The following DYNC2H1 variants were observed in gnomAD, a reference collection of about 807,000 sequenced individuals.
DYNC2H1 encodes dynein cytoplasmic 2 heavy chain 1.
A neutral mutation model predicts 570.0 loss-of-function variants in DYNC2H1; 410 were observed. The ratio of observed to expected loss-of-function variants is 0.72; its 90% CI spans 0.66 to 0.78. The LOEUF is 0.78. Ranked by LOEUF, DYNC2H1 falls within the 30% of genes least tolerant of loss-of-function variation. DYNC2H1 has a pLI of 0.00. For missense variants in DYNC2H1, 4,865 were observed against 5,046.4 expected (o/e 0.96, Z 1.09); for synonymous variants, 1,688 against 1,677.6 (o/e 1.01, Z -0.15).
chr11:103,445,414 C>T (rs988348611), intron 85 of DYNC2H1, among the ~76,000 whole-genome samples: 1 of 151,882 alleles, frequency 6.6e-6, no homozygotes, highest in African/African-American at 2.4e-5. Flanking sequence ...TCTCTTTTTA[C>T]TTATGTAGAG....
intron 13 of DYNC2H1, among the ~76,000 whole-genome samples, chr11:103,130,084 T>C (rs1297617621): frequency 6.6e-6 from 1 of 152,018 alleles, no homozygotes; most frequent in East Asian, 1.9e-4. Flanking sequence ...TCACAGAGGG[T>C]GTACTTATTT....
At chr11:103,310,504 A>G (rs1867526127) in intron 78 of DYNC2H1, among the ~76,000 whole-genome samples, 1 of 151,924 alleles carries the variant, frequency 6.6e-6, no homozygotes, top group South Asian at 2.1e-4. Context: ...GTGCCTTTTT[A>G]AAAACTCTAA....
chr11:103,137,170 G>A (rs1267565054), intron 17 of DYNC2H1, among the ~76,000 whole-genome samples: 2 of 148,106 alleles, frequency 1.4e-5, no homozygotes, highest in Non-Finnish European at 3.0e-5. Flanking sequence ...CTCCCATTTT[G>A]TAGGTTGCCT....
At chr11:103,119,352 T>C (rs1327335994) in intron 6 of DYNC2H1, among the ~76,000 whole-genome samples, 1 of 152,164 alleles carries the variant, frequency 6.6e-6, no homozygotes, top group East Asian at 1.9e-4. Context: ...TCTTTCCTTT[T>C]TTTTTGAGAT....
chr11:103,171,361 T>C (rs993687809), intron 34 of DYNC2H1, among the ~76,000 whole-genome samples: 2 of 152,078 alleles, frequency 1.3e-5, no homozygotes. Context: ...GTTCAAGCGA[T>C]TCTCCTGCCT....
chr11:103,343,356 C>T (rs7109979), intron 82 of DYNC2H1, among the ~76,000 whole-genome samples: 18,864 of 152,114 alleles, frequency 0.12, 2,263 homozygotes, highest in African/African-American at 0.31. Flanking sequence ...AGGCTAGTCT[C>T]GCTTCTAAAA....
chr11:103,116,155 T>TA (rs1227477331), intron 4 of DYNC2H1, among the ~76,000 whole-genome samples: 2 of 152,194 alleles, frequency 1.3e-5, no homozygotes, highest in Non-Finnish European at 2.9e-5. Context: ...TGATGAAATA[T>TA]AGCATGACAA....
chr11:103,192,977 T>C (rs1295971542), intron 47 of DYNC2H1, among the ~76,000 whole-genome samples: 2 of 152,208 alleles, frequency 1.3e-5, no homozygotes, highest in African/African-American at 2.4e-5. Flanking sequence ...TTTATACAAT[T>C]ACTTTTAATG....
intron 84 of DYNC2H1, among the ~76,000 whole-genome samples, chr11:103,426,215 A>G (rs1943666309): frequency 6.6e-6 from 1 of 152,220 alleles, no homozygotes; most frequent in Non-Finnish European, 1.5e-5. Flanking sequence ...TTAATCTATA[A>G]TCTATAGAAA....
chr11:103,413,299 C>G (rs971426622), intron 84 of DYNC2H1, among the ~76,000 whole-genome samples: 3 of 152,268 alleles, frequency 2.0e-5, no homozygotes, highest in Middle Eastern at 3.4e-3. Context: ...GAAAGTTCTA[C>G]TCCAACTATT....
intron 85 of DYNC2H1, among the ~76,000 whole-genome samples, chr11:103,441,660 C>T (rs1230016659): frequency 6.6e-6 from 1 of 152,102 alleles, no homozygotes; most frequent in Non-Finnish European, 1.5e-5. Flanking sequence ...TTCCAATCAT[C>T]AAGATTTAGC....
At chr11:103,258,055 C>T (rs931483555) in intron 69 of DYNC2H1, among the ~76,000 whole-genome samples, 1 of 152,042 alleles carries the variant, frequency 6.6e-6, no homozygotes, top group Non-Finnish European at 1.5e-5. Context: ...TAAGAATTAT[C>T]CCTATAATAT....
In DYNC2H1 at chr11:103,181,264, G is replaced by C. The variant is rs1244965820; in HGVS notation, c.6348-493G>C. The stretch of plus-strand genomic sequence containing the variant: ...TTCTAAAGATCTGTATTACAGTTTA[G>C]ATCAGTGCATTTTAAACTCTAATGT... On this transcript the variant is annotated intron_variant, in intron 39 of 88. Transcript: ENST00000375735. The surrounding 1 kb of genome is among the most constrained non-coding windows in gnomAD (Gnocchi z 5.0). Among the ~76,000 whole-genome samples, 1 of 151,538 alleles carries C rather than the reference G, an allele frequency of 6.6e-6. No homozygotes were observed. Among genetic ancestry groups the C allele is most frequent in the African/African-American group, 2.4e-5 (1 of 41,360 alleles).
In DYNC2H1 at chr11:103,231,320, T is replaced by A. The variant is rs1417803316; in HGVS notation, c.9414T>A (p.Gly3138=). ...TAGAGGAGCTTCTTAATTCTGTTGG[T>A]CAAAAGGTATCAGAACTCAAAGAAA... ...RKLEELLNSV[G]QKVSELKEKF... The change falls in exon 60 of 89, where the codon GGT becomes GGA. Residue 3138 remains glycine, a synonymous_variant. Transcript: ENST00000375735. 6.2e-7 allele frequency: 1 copy of A among 1,606,286 alleles called. No individual in the cohort carries two copies. The highest frequency in any genetic ancestry group is 1.1e-5 in the South Asian group (1 of 89,236).
chr11:103,380,256 A>G (rs1387738295), intron 83 of DYNC2H1, among the ~76,000 whole-genome samples: 1 of 152,154 alleles, frequency 6.6e-6, no homozygotes, highest in Admixed American at 6.5e-5. Flanking sequence ...GGTCTGAATC[A>G]CTTCTGAAGT....
chr11:103,327,326 C>T (rs1938549971), intron 82 of DYNC2H1, among the ~76,000 whole-genome samples: 1 of 151,922 alleles, frequency 6.6e-6, no homozygotes, highest in South Asian at 2.1e-4. Context: ...AAGTTCTACC[C>T]AAATACATAC....
intron 46 of DYNC2H1, 100 bp downstream of exon 46, chr11:103,191,719 C>T (rs1565382780): frequency 4.1e-6 from 2 of 488,028 alleles, no homozygotes; most frequent in Non-Finnish European, 6.7e-6. Flanking sequence ...TATTATATCA[C>T]AAGTTATATT....
At chr11:103,158,873 A>G in intron 27 of DYNC2H1, 37 bp from the exon 28 acceptor site, 1 of 1,532,944 alleles carries the variant, frequency 6.5e-7, no homozygotes, top group Non-Finnish European at 8.8e-7. Context: ...AATTATCTGA[A>G]AAAAAGAAAG....
chr11:103,164,919 G>A (rs1266329907), intron 30 of DYNC2H1, among the ~76,000 whole-genome samples: 3 of 152,124 alleles, frequency 2.0e-5, no homozygotes, highest in Non-Finnish European at 4.4e-5. Flanking sequence ...AGGCTTGAAG[G>A]TAGCAAAGGA....
Sources: allele counts gnomAD v4.1 joint callset (sites outside exome capture counted in the v4.1 genomes callset), GRCh38; gene constraint gnomAD v4.1.1; non-coding constraint Gnocchi (gnomAD v3.1); transcripts MANE v1.5; gene names NCBI Gene and HGNC (gene_info 2026-07-23, HGNC 2026-07-21).